Variants in RBFOX1 observed in about 807,000 individuals in gnomAD.
RBFOX1 encodes the protein RNA binding fox-1 homolog 1, also known as RNA binding protein fox-1 homolog 1.
Under a neutral mutation model 57.7 loss-of-function variants are expected in RBFOX1, and 8 were observed. The ratio of observed to expected loss-of-function variants is 0.14; its 90% confidence interval spans 0.08 to 0.25. The LOEUF is 0.25. Among genes scored for constraint, RBFOX1 ranks in the 10% least tolerant of loss-of-function variants. The pLI is 1.00. For synonymous variants in RBFOX1, 326 were observed against 222.4 expected (o/e 1.47, Z -4.15); for missense variants, 611 against 548.5 (o/e 1.11, Z -1.14).
chr16:5,848,328 C>T (rs74943853), intron 3 of RBFOX1, among the ~76,000 whole-genome samples: 2 of 152,252 alleles, frequency 1.3e-5, no homozygotes, highest in South Asian at 4.2e-4. Flanking sequence ...TAACAAAAAC[C>T]GATGTCTTGT....
At chr16:6,819,479 G>A (rs908755520) in intron 3 of RBFOX1, among the ~76,000 whole-genome samples, 3 of 151,992 alleles carry the variant, frequency 2.0e-5, no homozygotes, top group African/African-American at 7.3e-5. Flanking sequence ...CCAGGCGGGC[G>A]GATCACCTGA....
At chr16:5,872,986 A>T (rs778295395) in intron 4 of RBFOX1, among the ~76,000 whole-genome samples, 39 of 152,042 alleles carry the variant, frequency 2.6e-4, no homozygotes, top group Non-Finnish European at 4.9e-4. Flanking sequence ...TACTATCTCT[A>T]TTAAAAATAC....
chr16:6,595,107 T>A (rs2153995937), intron 2 of RBFOX1, among the ~76,000 whole-genome samples: 1 of 152,224 alleles, frequency 6.6e-6, no homozygotes, highest in Admixed American at 6.5e-5. Context: ...TTTAATGTAT[T>A]CACAGAGCTG....
At chr16:7,173,671 C>T (rs908566822) in intron 4 of RBFOX1, among the ~76,000 whole-genome samples, 3 of 152,156 alleles carry the variant, frequency 2.0e-5, no homozygotes, top group African/African-American at 4.8e-5. Flanking sequence ...CTGAGAATGG[C>T]TCCAGAAGGG....
At chr16:7,373,022 C>T (rs1014748462) in intron 4 of RBFOX1, among the ~76,000 whole-genome samples, 1 of 151,632 alleles carries the variant, frequency 6.6e-6, no homozygotes, top group African/African-American at 2.4e-5. Context: ...AGCTCCGTCT[C>T]CCAGGCTGTA....
chr16:6,451,138 C>A (rs1175373675), intron 2 of RBFOX1, among the ~76,000 whole-genome samples: 3 of 151,582 alleles, frequency 2.0e-5, no homozygotes, highest in African/African-American at 4.8e-5. Context: ...ACACAGTATT[C>A]TTTTGATCCA....
chr16:6,949,002 G>T (rs1423028302), intron 3 of RBFOX1, among the ~76,000 whole-genome samples: 2 of 152,092 alleles, frequency 1.3e-5, no homozygotes, highest in Non-Finnish European at 2.9e-5. Flanking sequence ...CAAAGGAAGG[G>T]ATTCTCGATT....
At chr16:6,485,250 C>A (rs1250398050) in intron 2 of RBFOX1, among the ~76,000 whole-genome samples, 4 of 152,098 alleles carry the variant, frequency 2.6e-5, no homozygotes, top group African/African-American at 9.7e-5. Context: ...TGTGATGCCT[C>A]CCCTCTATTA....
rs1276311817 is a variant in RBFOX1 at position 7,139,174 on chromosome 16, C to CTGTGTGTGTGTGTGTG, written c.27+87077_27+87078insGTGTGTGTGTGTGTGT. On this transcript the variant is annotated intron_variant, in intron 4 of 15. Coordinates refer to ENST00000550418, the MANE Select transcript of RBFOX1 (RefSeq NM_018723.4). ...TATAATGCAGATGAAATCAATCTCT[C>CTGTGTGTGTGTGTGTG]TCTGTGTGTGTGTGTGTGTGTGTAT... 6.8e-3 allele frequency among the ~76,000 whole-genome samples: 155 copies of CTGTGTGTGTGTGTGTG among 22,768 alleles called. 2 individuals are homozygous for CTGTGTGTGTGTGTGTG. The highest frequency in any genetic ancestry group is 0.024 in the South Asian group (7 of 294). The allele number at this position is 22,768 out of a possible 152,430, so 14.9% of individuals were successfully genotyped here.
intron 2 of RBFOX1, among the ~76,000 whole-genome samples, chr16:6,473,152 C>G (rs1031165084): frequency 4.6e-5 from 7 of 152,176 alleles, no homozygotes; most frequent in Non-Finnish European, 5.9e-5. Flanking sequence ...CCTCCTGACT[C>G]TTGGCTCTCA....
chr16:6,953,408 A>G (rs137981211), intron 3 of RBFOX1, among the ~76,000 whole-genome samples: 55 of 151,564 alleles, frequency 3.6e-4, no homozygotes, highest in Non-Finnish European at 6.5e-4. Flanking sequence ...TTTTTTTGAG[A>G]TAGAGTCTTG....
intron 2 of RBFOX1, among the ~76,000 whole-genome samples, chr16:6,382,873 C>G (rs1247256926): frequency 6.6e-6 from 1 of 152,038 alleles, no homozygotes; most frequent in Non-Finnish European, 1.5e-5. Context: ...AAAGAAAATG[C>G]TTTTACTCTC....
intron 3 of RBFOX1, among the ~76,000 whole-genome samples, chr16:6,989,478 C>A (rs906088115): frequency 6.6e-5 from 10 of 152,102 alleles, no homozygotes; most frequent in Admixed American, 6.6e-4. Flanking sequence ...ATATCATCCT[C>A]TGTAATTATT....
chr16:6,863,949 C>A (rs1400224178), intron 3 of RBFOX1, among the ~76,000 whole-genome samples: 1 of 150,462 alleles, frequency 6.6e-6, no homozygotes, highest in South Asian at 2.1e-4. Flanking sequence ...CTTCTTCCTT[C>A]TCTTGCAAAA....
intron 4 of RBFOX1, among the ~76,000 whole-genome samples, chr16:5,983,128 C>T (rs1490086451): frequency 6.6e-6 from 1 of 152,174 alleles, no homozygotes; most frequent in Non-Finnish European, 1.5e-5. Flanking sequence ...AATTAACTCC[C>T]TGCATTCTCC....
At chr16:5,739,157 G>C (rs913154695) in intron 3 of RBFOX1, among the ~76,000 whole-genome samples, 1 of 152,224 alleles carries the variant, frequency 6.6e-6, no homozygotes, top group Non-Finnish European at 1.5e-5. Context: ...TGTAGGAACT[G>C]TGCCCCTTTT....
At chr16:6,828,274 C>T (rs2092388317) in intron 3 of RBFOX1, among the ~76,000 whole-genome samples, 1 of 152,026 alleles carries the variant, frequency 6.6e-6, no homozygotes, top group Non-Finnish European at 1.5e-5. Flanking sequence ...AGCTGTAATC[C>T]CAGCACTTTG....
At chr16:7,484,418 C>T (rs921663206) in intron 4 of RBFOX1, among the ~76,000 whole-genome samples, 1 of 152,008 alleles carries the variant, frequency 6.6e-6, no homozygotes, top group Admixed American at 6.6e-5. Context: ...TGTTGTTATC[C>T]AAAGTGGCTG....
At chr16:5,404,351 G>C (rs1273536479) in intron 1 of RBFOX1, among the ~76,000 whole-genome samples, 1 of 152,088 alleles carries the variant, frequency 6.6e-6, no homozygotes, top group African/African-American at 2.4e-5. Flanking sequence ...CGAATTAGCA[G>C]GAGTCCCTCC....
Sources: gnomAD v4.1 joint callset for allele counts (sites outside exome capture counted in the v4.1 genomes callset) on GRCh38, gnomAD v4.1.1 for gene constraint, MANE v1.5 for transcripts, NCBI Gene and HGNC (gene_info 2026-07-23, HGNC 2026-07-21) for gene names.